CLSTN2: variants seen among roughly 807,000 people sequenced by gnomAD.
The protein encoded by CLSTN2 is calsyntenin 2.
In CLSTN2, 48 loss-of-function variants were observed where a neutral mutation model predicts 101.2. The observed-to-expected ratio is 0.47, with a 90% CI of 0.38 to 0.60. The LOEUF is 0.60. CLSTN2 is among the 20% of genes least tolerant of loss of function. The probability of loss-of-function intolerance (pLI) is 0.00; values close to 1 mark genes in which losing one functional copy is unlikely to be tolerated. For synonymous variants in CLSTN2, 481 were observed against 463.6 expected (o/e 1.04, Z -0.48); for missense variants, 1,160 against 1,238.2 (o/e 0.94, Z 0.95).
chr3:140,570,703 G>C lies in CLSTN2; in HGVS notation c.*4450G>C, dbSNP rs1234107177. ...TTTTCATATCTTTTTTTACCCTTTT[G>C]ATTTACATTTTTAATAATTTAAAAA... On this transcript the variant is annotated 3_prime_UTR_variant, in exon 17 of 17. Coordinates refer to ENST00000458420, the MANE Select transcript of CLSTN2 (RefSeq NM_022131.3). 6.6e-6 allele frequency: 1 copy of C among 152,120 alleles called. No individual in the cohort carries two copies. The highest frequency in any genetic ancestry group is 2.4e-5 in the African/African-American group (1 of 41,430). The allele number at this position is 152,120 out of a possible 1,614,324, so 9.4% of individuals were successfully genotyped here.
chr3:140,109,180 C>T (rs2009111830), intron 1 of CLSTN2, among the ~76,000 whole-genome samples: 1 of 152,050 alleles, frequency 6.6e-6, no homozygotes, highest in African/African-American at 2.4e-5. Flanking sequence ...TTTTTCCTTG[C>T]CCCAATGTAA....
At chr3:140,261,411 C>T (rs751412328) in intron 2 of CLSTN2, among the ~76,000 whole-genome samples, 3 of 152,206 alleles carry the variant, frequency 2.0e-5, no homozygotes, top group Non-Finnish European at 4.4e-5. Context: ...TTTAATATAT[C>T]CCCATCACTG....
chr3:140,502,224 A>G (rs1483094449), intron 8 of CLSTN2, among the ~76,000 whole-genome samples: 1 of 152,220 alleles, frequency 6.6e-6, no homozygotes, highest in African/African-American at 2.4e-5. Flanking sequence ...CACATCTTTC[A>G]GGCTCAGCAC....
intron 1 of CLSTN2, among the ~76,000 whole-genome samples, chr3:140,100,120 AC>A (rs1410787271): frequency 6.6e-6 from 1 of 150,652 alleles, no homozygotes; most frequent in Non-Finnish European, 1.5e-5. Flanking sequence ...TTAAAATCCA[AC>A]ATTATCCTCT....
Position 140,576,098 on chromosome 3 carries a change from TGA to T in CLSTN2, c.*9847_*9848del, listed in dbSNP as rs1367806884. On this transcript the variant is annotated 3_prime_UTR_variant, in exon 17 of 17. Transcript: ENST00000458420. ...TAGTATGAGTATACCCCAAATTGAA[TGA>T]GCCACAGAGAAATGCATCCAGCCAC... is the stretch of plus-strand genomic sequence containing the variant. 1 of 152,176 alleles carries T rather than the reference TGA, an allele frequency of 6.6e-6. No homozygotes were observed. The highest frequency in any genetic ancestry group is 6.5e-5 in the Admixed American group (1 of 15,280). 9.4% of individuals were successfully genotyped at this position (152,176 alleles called of 1,614,324 possible). A position where few individuals can be genotyped will look rare whatever the true frequency, so the allele number is the denominator to read the frequency against.
chr3:140,276,629 G>T (rs1428903464), intron 2 of CLSTN2, among the ~76,000 whole-genome samples: 2 of 152,152 alleles, frequency 1.3e-5, no homozygotes, highest in African/African-American at 4.8e-5. Context: ...GGGTATCTGG[G>T]CTCCATTTCA....
intron 2 of CLSTN2, among the ~76,000 whole-genome samples, chr3:140,227,782 C>T (rs895214551): frequency 3.3e-5 from 5 of 152,220 alleles, no homozygotes; most frequent in African/African-American, 1.2e-4. Flanking sequence ...CTCAACACCA[C>T]CTGGAAGCTG....
At chr3:140,326,492 G>C (rs116675952) in intron 2 of CLSTN2, among the ~76,000 whole-genome samples, 3,351 of 152,288 alleles carry the variant, frequency 0.022, 112 homozygotes, top group African/African-American at 0.077. Flanking sequence ...CCTAGAATGG[G>C]CTGGGCATTT....
intron 1 of CLSTN2, among the ~76,000 whole-genome samples, chr3:139,983,674 G>C (rs1445045884): frequency 6.6e-6 from 1 of 151,822 alleles, no homozygotes; most frequent in East Asian, 1.9e-4. Context: ...GAATCAAAAT[G>C]CCTCTTTCTT....
intron 2 of CLSTN2, among the ~76,000 whole-genome samples, chr3:140,238,027 G>T (rs1191717173): frequency 3.9e-5 from 6 of 152,162 alleles, no homozygotes; most frequent in Admixed American, 3.9e-4. Flanking sequence ...ACATCAACAT[G>T]TGTTTGCACA....
chr3:140,046,674 G>A (rs1016225383), intron 1 of CLSTN2, among the ~76,000 whole-genome samples: 1 of 152,128 alleles, frequency 6.6e-6, no homozygotes, highest in East Asian at 1.9e-4. Context: ...TCCATGTTTA[G>A]GGCTTCCTTC....
intron 1 of CLSTN2, among the ~76,000 whole-genome samples, chr3:139,983,069 G>A (rs1028087416): frequency 6.6e-5 from 10 of 151,814 alleles, no homozygotes; most frequent in Non-Finnish European, 1.3e-4. Flanking sequence ...AGAAACAAAA[G>A]CAACAAATAA....
intron 2 of CLSTN2, among the ~76,000 whole-genome samples, chr3:140,281,270 G>T (rs921292898): frequency 6.6e-6 from 1 of 152,186 alleles, no homozygotes; most frequent in Non-Finnish European, 1.5e-5. Context: ...TATTTACTTA[G>T]TGTCTAAGAT....
intron 1 of CLSTN2, among the ~76,000 whole-genome samples, chr3:140,051,029 T>A (rs1423961341): frequency 6.6e-6 from 1 of 152,194 alleles, no homozygotes; most frequent in African/African-American, 2.4e-5. Flanking sequence ...CTGTCCTGGA[T>A]TGAACACAGC....
At chr3:140,023,768 C>A (rs1464744984) in intron 1 of CLSTN2, among the ~76,000 whole-genome samples, 1 of 152,164 alleles carries the variant, frequency 6.6e-6, no homozygotes, top group Non-Finnish European at 1.5e-5. Flanking sequence ...AGACATTGTG[C>A]CTCGCATTTT....
chr3:140,262,231 T>C (rs141537287), intron 2 of CLSTN2, among the ~76,000 whole-genome samples: 1,715 of 151,962 alleles, frequency 0.011, 103 homozygotes, highest in Admixed American at 0.1. Flanking sequence ...GAAGCAAGAG[T>C]AGCTGGTGGT....
intron 2 of CLSTN2, among the ~76,000 whole-genome samples, chr3:140,181,405 A>T (rs972473723): frequency 6.6e-6 from 1 of 152,182 alleles, no homozygotes; most frequent in African/African-American, 2.4e-5. Flanking sequence ...TGGGTTGATT[A>T]CAATAGTGCA....
chr3:140,276,586 C>G (rs1343786226), intron 2 of CLSTN2, among the ~76,000 whole-genome samples: 1 of 152,140 alleles, frequency 6.6e-6, no homozygotes, highest in Non-Finnish European at 1.5e-5. Context: ...GAAAAGCCAA[C>G]CAATGGTACA....
At chr3:139,937,512 G>A (rs1935044846) in intron 1 of CLSTN2, among the ~76,000 whole-genome samples, 1 of 151,146 alleles carries the variant, frequency 6.6e-6, no homozygotes, top group African/African-American at 2.4e-5. Flanking sequence ...CGAGGCGGGC[G>A]GATCACCTGA....
Sources: gnomAD v4.1 joint callset for allele counts (sites outside exome capture counted in the v4.1 genomes callset) on GRCh38, gnomAD v4.1.1 for gene constraint, MANE v1.5 for transcripts, NCBI Gene and HGNC (gene_info 2026-07-23, HGNC 2026-07-21) for gene names.